Variants in CYP39A1 observed in about 807,000 individuals in gnomAD.
CYP39A1 encodes the protein 24-hydroxycholesterol 7-alpha-hydroxylase.
In CYP39A1, 49 loss-of-function variants were observed where a neutral mutation model predicts 58.1. The observed-to-expected ratio is 0.84, with a 90% CI of 0.67 to 1.07. The LOEUF (loss-of-function observed/expected upper bound fraction) is 1.07, where lower values mean the gene tolerates loss of function less well. CYP39A1 is among the 50% of genes least tolerant of loss of function. The pLI, the probability that CYP39A1 is intolerant of heterozygous loss-of-function variation, is 0.00. For missense variants in CYP39A1, 531 were observed against 539.4 expected (o/e 0.98, Z 0.16); for synonymous variants, 209 against 187.6 (o/e 1.11, Z -0.93).
chr6:46,550,536 A>T, intron 11 of CYP39A1, 99 bp from the exon 12 acceptor site: 1 of 1,099,176 alleles, frequency 9.1e-7, no homozygotes, highest in East Asian at 2.6e-5. Context: ...AAAAAGTACA[A>T]AATTTAGGTT....
intron 7 of CYP39A1, among the ~76,000 whole-genome samples, chr6:46,619,955 G>A (rs1774854466): frequency 6.6e-6 from 1 of 152,016 alleles, no homozygotes; most frequent in Non-Finnish European, 1.5e-5. Flanking sequence ...TATATTTCAG[G>A]GTGATGTCAG....
intron 7 of CYP39A1, among the ~76,000 whole-genome samples, chr6:46,596,590 A>C (rs1165700872): frequency 6.6e-6 from 1 of 151,102 alleles, no homozygotes; most frequent in Non-Finnish European, 1.5e-5. Context: ...TAAATCATTC[A>C]TTTCAAAAAA....
At position 46,636,527 on chromosome 6, in the gene CYP39A1, T is replaced by C. The variant is rs772275923; in HGVS notation, c.639-45A>G. 21 of 1,242,346 alleles carry C rather than the reference T, an allele frequency of 1.7e-5. No homozygotes were observed. The South Asian group carries it at 2.7e-4, about 16-fold the overall frequency. The allele number at this position is 1,242,346 out of a possible 1,614,324, so 77.0% of individuals were successfully genotyped here. Reference sequence around the variant, plus strand: ...TATAGAAATTAATTGGAAAGCACTTTAGGAATAACAGGTCACAGCATAAAA... The same window carrying C: ...TATAGAAATTAATTGGAAAGCACTTCAGGAATAACAGGTCACAGCATAAAA... On this transcript the variant is annotated intron_variant, in intron 4 of 11. Transcript: ENST00000275016.
intron 1 of CYP39A1, among the ~76,000 whole-genome samples, chr6:46,642,549 A>G (rs1191300356): frequency 1.3e-5 from 2 of 152,106 alleles, no homozygotes; most frequent in East Asian, 3.8e-4. Context: ...TTCTTGTACT[A>G]TGAAATAAGT....
At chr6:46,568,752 C>G (rs1379705918) in intron 10 of CYP39A1, among the ~76,000 whole-genome samples, 1 of 152,012 alleles carries the variant, frequency 6.6e-6, no homozygotes, top group Non-Finnish European at 1.5e-5. Flanking sequence ...GTCTACATGT[C>G]TATCTTTATG....
intron 7 of CYP39A1, among the ~76,000 whole-genome samples, chr6:46,613,734 A>G (rs899549298): frequency 6.6e-6 from 1 of 151,056 alleles, no homozygotes; most frequent in Non-Finnish European, 1.5e-5. Flanking sequence ...ATGAGCCTCT[A>G]TTGATGGGCA....
intron 10 of CYP39A1, among the ~76,000 whole-genome samples, chr6:46,563,591 T>C (rs960509248): frequency 3.9e-5 from 6 of 151,928 alleles, no homozygotes; most frequent in Non-Finnish European, 7.4e-5. Flanking sequence ...GAGGTCACAA[T>C]AATATATAGA....
intron 7 of CYP39A1, among the ~76,000 whole-genome samples, chr6:46,607,126 G>T (rs1773895116): frequency 6.6e-6 from 1 of 152,070 alleles, no homozygotes; most frequent in Admixed American, 6.6e-5. Flanking sequence ...ACGCCACATT[G>T]CTTCCTCAAA....
At chr6:46,634,594 G>A (rs1433250406) in intron 5 of CYP39A1, among the ~76,000 whole-genome samples, 35 of 148,072 alleles carry the variant, frequency 2.4e-4, no homozygotes, top group Non-Finnish European at 1.3e-4. Flanking sequence ...CAATCTCGGC[G>A]CACCATAACC....
chr6:46,639,285 C>T (rs990774252), intron 3 of CYP39A1, among the ~76,000 whole-genome samples: 1 of 151,806 alleles, frequency 6.6e-6, no homozygotes, highest in Non-Finnish European at 1.5e-5. Context: ...AATAGAAATG[C>T]TAAACTGAAT....
At chr6:46,561,557 A>T (rs747457884) in intron 10 of CYP39A1, among the ~76,000 whole-genome samples, 13 of 152,158 alleles carry the variant, frequency 8.5e-5, no homozygotes, top group Non-Finnish European at 1.6e-4. Context: ...GTGATGAGAG[A>T]TGAAGCTGGA....
intron 7 of CYP39A1, among the ~76,000 whole-genome samples, chr6:46,616,354 C>T (rs1208905736): frequency 1.3e-5 from 2 of 149,524 alleles, no homozygotes; most frequent in South Asian, 2.1e-4. Flanking sequence ...AATTCCTGGA[C>T]TCAGGTCAAT....
At chr6:46,570,287 T>G (rs1304755420) in intron 10 of CYP39A1, among the ~76,000 whole-genome samples, 1 of 152,164 alleles carries the variant, frequency 6.6e-6, no homozygotes, top group African/African-American at 2.4e-5. Context: ...TGAAAAACCT[T>G]TTTGTTGACT....
chr6:46,629,580 G>T (rs1775526039), intron 6 of CYP39A1, among the ~76,000 whole-genome samples: 1 of 152,150 alleles, frequency 6.6e-6, no homozygotes, highest in African/African-American at 2.4e-5. Context: ...TTCTCTTTAT[G>T]CAGTAAATTT....
At chr6:46,603,855 G>A (rs149914133) in intron 7 of CYP39A1, among the ~76,000 whole-genome samples, 1 of 152,184 alleles carries the variant, frequency 6.6e-6, no homozygotes, top group African/African-American at 2.4e-5. Context: ...CTACTGGTTT[G>A]CTCCTCATTG....
chr6:46,601,831 T>C (rs1195787371), intron 7 of CYP39A1, among the ~76,000 whole-genome samples: 2 of 151,788 alleles, frequency 1.3e-5, no homozygotes, highest in Non-Finnish European at 2.9e-5. Flanking sequence ...TCAGGTTACT[T>C]ATTATTATTA....
intron 11 of CYP39A1, 135 bp downstream of exon 11, chr6:46,553,632 T>C: frequency 3.0e-6 from 2 of 675,770 alleles, no homozygotes; most frequent in Non-Finnish European, 5.3e-6. Flanking sequence ...TCTGGTTCAA[T>C]CTAAGGCACC....
intron 6 of CYP39A1, among the ~76,000 whole-genome samples, chr6:46,629,082 T>A (rs1775494757): frequency 6.6e-6 from 1 of 152,206 alleles, no homozygotes; most frequent in Non-Finnish European, 1.5e-5. Context: ...TGGCTTTGGA[T>A]CTGACTCTAA....
Position 46,637,997 on chromosome 6 carries a change from A to C in CYP39A1, c.489-19T>G. 6.3e-7 allele frequency: 1 copy of C among 1,581,460 alleles called. No homozygotes were observed. The highest frequency in any genetic ancestry group is 8.5e-7 in the Non-Finnish European group (1 of 1,170,916). On this transcript the variant is annotated intron_variant, in intron 3 of 11. Coordinates refer to ENST00000275016, the MANE Select transcript of CYP39A1 (RefSeq NM_016593.5). ...GAGATGTCTACAAAGACAGAAACAC[A>C]CAAAAAGTCAGACCCGAAGACCAAA...
Sources: gnomAD v4.1 joint callset for allele counts (sites outside exome capture counted in the v4.1 genomes callset) on GRCh38, gnomAD v4.1.1 for gene constraint, MANE v1.5 for transcripts, NCBI Gene and HGNC (gene_info 2026-07-23, HGNC 2026-07-21) for gene names.